DOK5: variants seen among roughly 807,000 people sequenced by gnomAD.
DOK5 encodes the protein docking protein 5, also known as downstream of tyrosine kinase 5.
DOK5 carries 27 observed loss-of-function variants against 43.3 expected under a neutral mutation model. That is an observed-to-expected ratio of 0.62 (90% confidence interval 0.46 to 0.86). The LOEUF (loss-of-function observed/expected upper bound fraction) is 0.86, where lower values mean the gene tolerates loss of function less well. Among genes scored for constraint, DOK5 ranks in the 40% least tolerant of loss-of-function variants. The pLI is 0.00. For synonymous variants in DOK5, 146 were observed against 140.1 expected (o/e 1.04, Z -0.30); for missense variants, 373 against 392.9 (o/e 0.95, Z 0.43).
intron 1 of DOK5, among the ~76,000 whole-genome samples, chr20:54,493,956 T>C: frequency 6.6e-6 from 1 of 152,116 alleles, no homozygotes; most frequent in South Asian, 2.1e-4. Context: ...AAATTAAAAA[T>C]TAAATATTTC....
chr20:54,505,393 A>G (rs1982766352), intron 1 of DOK5, among the ~76,000 whole-genome samples: 1 of 152,078 alleles, frequency 6.6e-6, no homozygotes, highest in Non-Finnish European at 1.5e-5. Flanking sequence ...AGCCTAAGGT[A>G]TTTACTGAAA....
intron 1 of DOK5, among the ~76,000 whole-genome samples, chr20:54,502,640 T>C (rs959260592): frequency 6.6e-6 from 1 of 152,208 alleles, no homozygotes; most frequent in Non-Finnish European, 1.5e-5. Flanking sequence ...ATATATGTCA[T>C]GTGTGTGTAC....
At chr20:54,621,405 T>C (rs1458649181) in intron 6 of DOK5, among the ~76,000 whole-genome samples, 1 of 152,184 alleles carries the variant, frequency 6.6e-6, no homozygotes, top group East Asian at 1.9e-4. Context: ...TAAAAATGCA[T>C]GATTGGCTGG....
At chr20:54,479,365 C>T (rs1490657801) in intron 1 of DOK5, among the ~76,000 whole-genome samples, 1 of 151,982 alleles carries the variant, frequency 6.6e-6, no homozygotes, top group African/African-American at 2.4e-5. Flanking sequence ...GGAATGTCGA[C>T]GTTACTATTT....
chr20:54,582,397 C>G (rs909123387), intron 2 of DOK5, among the ~76,000 whole-genome samples: 2 of 151,634 alleles, frequency 1.3e-5, no homozygotes, highest in Admixed American at 1.3e-4. Context: ...GCGTTCCTTC[C>G]TCTTCAGTTT....
chr20:54,535,369 T>G (rs1257055518), intron 1 of DOK5, among the ~76,000 whole-genome samples: 2 of 152,164 alleles, frequency 1.3e-5, no homozygotes, highest in African/African-American at 4.8e-5. Context: ...ATTCTAATTT[T>G]CTATACTGAG....
chr20:54,589,753 T>C (rs6512975), intron 4 of DOK5, among the ~76,000 whole-genome samples: 4,607 of 152,288 alleles, frequency 0.03, 224 homozygotes, highest in African/African-American at 0.1. Context: ...AAAAAAATGC[T>C]GTCCCTCCCA....
intron 1 of DOK5, among the ~76,000 whole-genome samples, chr20:54,540,793 G>C (rs1002043122): frequency 1.3e-5 from 2 of 152,136 alleles, no homozygotes; most frequent in Non-Finnish European, 1.5e-5. Context: ...CAAAATGCTG[G>C]AATTACAGAT....
intron 1 of DOK5, among the ~76,000 whole-genome samples, chr20:54,550,682 T>C (rs994464679): frequency 6.6e-6 from 1 of 152,220 alleles, no homozygotes; most frequent in African/African-American, 2.4e-5. Context: ...CTCAGTATAA[T>C]TCTTACAGAG....
At chr20:54,583,471 T>C (rs1985701224) in intron 2 of DOK5, among the ~76,000 whole-genome samples, 1 of 152,178 alleles carries the variant, frequency 6.6e-6, no homozygotes, top group Admixed American at 6.5e-5. Context: ...TTATTGAAAG[T>C]GGGGTATTGA....
chr20:54,541,594 C>T (rs1984159955), intron 1 of DOK5, among the ~76,000 whole-genome samples: 1 of 152,054 alleles, frequency 6.6e-6, no homozygotes, highest in Admixed American at 6.6e-5. Flanking sequence ...CACCACCATG[C>T]CCGGCTAATT....
chr20:54,514,802 G>A (rs1382396330), intron 1 of DOK5, among the ~76,000 whole-genome samples: 1 of 151,944 alleles, frequency 6.6e-6, no homozygotes. Context: ...ATGCTGAATA[G>A]TTTGAGTGAA....
chr20:54,566,016 CAA>C (rs11450454), intron 2 of DOK5, among the ~76,000 whole-genome samples: 8 of 100,456 alleles, frequency 8.0e-5, no homozygotes, highest in Admixed American at 1.1e-4. Context: ...GATTCCGTCT[CAA>C]AAAAAAAAAA....
chr20:54,623,999 T>C (rs879638687), intron 6 of DOK5, among the ~76,000 whole-genome samples: 26 of 152,222 alleles, frequency 1.7e-4, no homozygotes, highest in Non-Finnish European at 2.9e-4. Flanking sequence ...AGCCGAGAGC[T>C]CTTGTTTCCT....
chr20:54,592,633 C>T (rs914116678), intron 5 of DOK5, among the ~76,000 whole-genome samples: 2 of 151,738 alleles, frequency 1.3e-5, no homozygotes, highest in African/African-American at 4.8e-5. Flanking sequence ...CTCCGCCTCC[C>T]GGGTTCACGC....
chr20:54,476,201 A>G (rs1323155322), intron 1 of DOK5, 189 bp downstream of exon 1: 5 of 985,344 alleles, frequency 5.1e-6, no homozygotes, highest in Non-Finnish European at 6.0e-6. Context: ...TAATGGATCT[A>G]TCTTTATCTC....
intron 1 of DOK5, among the ~76,000 whole-genome samples, chr20:54,508,938 A>T (rs559658822): frequency 6.9e-6 from 1 of 144,536 alleles, no homozygotes; most frequent in Non-Finnish European, 1.5e-5. Context: ...GTGCAGTGAC[A>T]CGATCTCGGC....
In DOK5 at chr20:54,475,697, T is replaced by C. The variant is rs192167782; in HGVS notation, c.-250T>C. On this transcript the variant is annotated 5_prime_UTR_variant, in exon 1 of 8. Transcript: ENST00000262593. The surrounding 1 kb of genome is among the most constrained non-coding windows in gnomAD (Gnocchi z 4.2). ...CCGCGGAGTCAGCTGACGCCGGCGC[T>C]CCAGCCTCGCCTCCCCGCGCCGCGC... 1,082 of 557,740 alleles carry C rather than the reference T, an allele frequency of 1.9e-3. 13 individuals are homozygous for C. The highest frequency in any genetic ancestry group is 0.018 in the African/African-American group (907 of 51,376). The allele number at this position is 557,740 out of a possible 1,614,324, so 34.5% of individuals were successfully genotyped here.
At position 54,645,925 on chromosome 20, in the gene DOK5, C is replaced by CAAAAAAAAAAAAAAAA. The variant is rs550943378; in HGVS notation, c.856+2363_856+2378dup. On this transcript the variant is annotated intron_variant, in intron 7 of 7. Coordinates refer to ENST00000262593, the MANE Select transcript of DOK5 (RefSeq NM_018431.5). ...AGAGCATGGCACATAGCAGATGCTG[C>CAAAAAAAAAAAAAAAA]AAAAAAAAAAAAAAAAAAAAAAAAA... Among the ~76,000 whole-genome samples the CAAAAAAAAAAAAAAAA allele has an allele frequency of 3.8e-4, 33 of 85,880 alleles. 2 individuals carry two copies. Among genetic ancestry groups the CAAAAAAAAAAAAAAAA allele is most frequent in the African/African-American group, 5.6e-4 (13 of 23,152 alleles). The allele number at this position is 85,880 out of a possible 152,430, so 56.3% of individuals were successfully genotyped here.
Sources: allele counts gnomAD v4.1 joint callset (sites outside exome capture counted in the v4.1 genomes callset), GRCh38; gene constraint gnomAD v4.1.1; non-coding constraint Gnocchi (gnomAD v3.1); transcripts MANE v1.5; gene names NCBI Gene and HGNC (gene_info 2026-07-23, HGNC 2026-07-21).